The following PSMB10 variants were observed in gnomAD, a reference collection of about 807,000 sequenced individuals.
PSMB10 encodes proteasome 20S subunit beta 10, also known as proteasome subunit beta type-10.
PSMB10 carries 29 observed loss-of-function variants against 29.8 expected under a neutral mutation model. The ratio of observed to expected loss-of-function variants is 0.97; its 90% CI spans 0.73 to 1.33. The LOEUF is 1.33. Among genes scored for constraint, PSMB10 ranks in the 40% most tolerant of loss-of-function variants. PSMB10 has a pLI of 0.00. For missense variants in PSMB10, 327 were observed against 369.2 expected, an observed-to-expected ratio of 0.89 and a Z score of 0.94; for synonymous variants, 157 against 164.7, an observed-to-expected ratio of 0.95 and a Z score of 0.36.
Position 67,936,317 on chromosome 16 carries a change from G to A in PSMB10, c.145-5C>T, listed in dbSNP as rs372777032. ...GGCGCCCAGAATGACCCCGTCCTGA[G>A]GAGAGGGAGGGACCGCAGCTTCAGT... On this transcript the variant is annotated splice_region_variant and splice_polypyrimidine_tract_variant and intron_variant, in intron 2 of 7. Transcript: ENST00000358514. 6.2e-7 allele frequency: 1 copy of A among 1,612,686 alleles called. No individual in the cohort carries two copies. The highest frequency in any genetic ancestry group is 1.3e-5 in the African/African-American group (1 of 74,848).
At chr16:67,935,751 C>T in intron 4 of PSMB10, 54 bp from the exon 5 acceptor site, 1 of 1,574,262 alleles carries the variant, frequency 6.4e-7, no homozygotes. Context: ...CCCCACCTCT[C>T]TATGCCCAGC....
Position 67,935,623 on chromosome 16 carries a change from T to TG in PSMB10, c.457dup (p.His153ProfsTer53). The TG allele has an allele frequency of 6.2e-7, 1 of 1,614,218 alleles. No individual in the cohort carries two copies. Among genetic ancestry groups the TG allele is most frequent in the Non-Finnish European group, 8.5e-7 (1 of 1,180,036 alleles). ...CAGACGGCTGTAGGAGCCATGGGGA[T>TG]GCACACCGTAGAGCTGCGGTCCAGT... is the stretch of plus-strand genomic sequence containing the variant. On this transcript the variant is annotated frameshift_variant, in exon 5 of 8. Coordinates refer to ENST00000358514, the MANE Select transcript of PSMB10 (RefSeq NM_002801.4). LOFTEE classifies it high-confidence loss of function.
At chr16:67,936,573 T>G (rs1179221381) in intron 1 of PSMB10, 88 bp from the exon 2 acceptor site, 2 of 1,459,482 alleles carry the variant, frequency 1.4e-6, no homozygotes, top group African/African-American at 1.4e-5. Context: ...TCCCTCATCT[T>G]CCGGGGTAAG....
chr16:67,936,001 C>T lies in PSMB10; in HGVS notation c.345G>A (p.Val115=), dbSNP rs1347736095. 2.5e-6 allele frequency: 4 copies of T among 1,612,266 alleles called. No individual in the cohort carries two copies. The highest frequency in any genetic ancestry group is 2.2e-5 in the East Asian group (1 of 44,860). Residue 115 remains valine, a synonymous_variant, in exon 4 of 8, where the codon GTG becomes GTA. Coordinates refer to ENST00000358514, the MANE Select transcript of PSMB10 (RefSeq NM_002801.4). The part of the protein sequence containing the change: ...HALSTGREPR[V]ATVTRILRQT... ...GGCGCAGGATGCGAGTGACCGTGGC[C>T]ACGCGGGGCTCGCGGCCCGTAGATA...
At chr16:67,935,720 G>T in intron 4 of PSMB10, 23 bp from the exon 5 acceptor site, 3 of 1,610,306 alleles carry the variant, frequency 1.9e-6, no homozygotes, top group Non-Finnish European at 2.5e-6. Flanking sequence ...GGGCGGGGTC[G>T]GCCACAAGCT....
rs1248422606 is a variant in PSMB10, at chr16:67,936,411, C to T, written c.131G>A (p.Gly44Asp). 2 of 1,613,348 alleles carry T rather than the reference C, an allele frequency of 1.2e-6. No individual in the cohort carries two copies. The highest frequency in any genetic ancestry group is 2.2e-5 in the East Asian group (1 of 44,856). Residue 44 changes from glycine (G) to aspartate (D), a missense_variant, in exon 2 of 8, where the codon GGC becomes GAC. Coordinates refer to ENST00000358514, the MANE Select transcript of PSMB10 (RefSeq NM_002801.4). ...CCCGCTGCTCACTTGGAACACCAGG[C>T]CCGCGATGGTGGTCCCGGTCTTGCG... is the stretch of plus-strand genomic sequence containing the variant. ...HARKTGTTIA[G>D]LVFQDGVILG...
At chr16:67,935,779 G>A in intron 4 of PSMB10, 82 bp from the exon 5 acceptor site, 1 of 1,513,744 alleles carries the variant, frequency 6.6e-7, no homozygotes, top group Non-Finnish European at 9.0e-7. Flanking sequence ...TGCTATCCCC[G>A]CCCCTTCCTG....
At chr16:67,935,873 C>T (rs2058261162) in intron 4 of PSMB10, 90 bp downstream of exon 4, 1 of 1,536,494 alleles carries the variant, frequency 6.5e-7, no homozygotes, top group African/African-American at 1.4e-5. Flanking sequence ...CCTGGCCCGT[C>T]GCGGTCCCGC....
intron 6 of PSMB10, 133 bp from the exon 7 acceptor site, chr16:67,935,081 C>G: frequency 1.7e-6 from 2 of 1,207,078 alleles, no homozygotes; most frequent in South Asian, 1.5e-5. Flanking sequence ...TCCCTCTGAG[C>G]CTTAGCCACC....
chr16:67,935,318 A>C (rs1156462869), intron 6 of PSMB10, 102 bp downstream of exon 6: 11 of 1,466,136 alleles, frequency 7.5e-6, no homozygotes, highest in Non-Finnish European at 1.0e-5. Flanking sequence ...ACCTCCTCCG[A>C]CAAGCCTTAG....
In PSMB10 at chr16:67,936,028, C is replaced by T. The variant is rs763368478; in HGVS notation, c.318G>A (p.Ala106=). ...RMVASKMELH[A]LSTGREPRVA... is the part of the protein sequence containing the mutation. ...CGCGGGGCTCGCGGCCCGTAGATAACGCGTGTAGCTCCATCTTGGACGCCA... is the reference window on the plus strand; with the variant it reads ...CGCGGGGCTCGCGGCCCGTAGATAATGCGTGTAGCTCCATCTTGGACGCCA... The change falls in exon 4 of 8, where the codon GCG becomes GCA. Residue 106 remains alanine (A), a synonymous_variant. Transcript: ENST00000358514. 12 of 1,612,662 alleles carry T rather than the reference C, an allele frequency of 7.4e-6. No individual in the cohort carries two copies. Among genetic ancestry groups the T allele is most frequent in the Non-Finnish European group, 7.6e-6 (9 of 1,179,478 alleles).
chr16:67,935,707 G>A lies in PSMB10; in HGVS notation c.384-10C>T, dbSNP rs1191356819. 1 of 1,612,590 alleles carries A rather than the reference G, an allele frequency of 6.2e-7. No individual in the cohort carries two copies. ...CACGTGGCCCTGGTACCTGCTCGAG[G>A]ATGGGCGGGGTCGGCCACAAGCTGG... is the stretch of plus-strand genomic sequence containing the variant. On this transcript the variant is annotated splice_polypyrimidine_tract_variant and intron_variant, in intron 4 of 7. Coordinates refer to ENST00000358514, the MANE Select transcript of PSMB10 (RefSeq NM_002801.4).
At chr16:67,935,804 A>T in intron 4 of PSMB10, 107 bp from the exon 5 acceptor site, 1 of 1,481,724 alleles carries the variant, frequency 6.7e-7, no homozygotes, top group Non-Finnish European at 9.2e-7. Context: ...CTGGCGCCCG[A>T]TGACTGACAT....
Position 67,936,094 on chromosome 16 carries a change from C to T in PSMB10, c.252G>A (p.Gly84=). The change falls in exon 4 of 8, where the codon GGG becomes GGA. Residue 84 remains glycine (G), a synonymous_variant. Coordinates refer to ENST00000358514, the MANE Select transcript of PSMB10 (RefSeq NM_002801.4). ...TCTCGGCGTCCGCGGCTACTCCAGC[C>T]CCACAGCAGCTGAGGCAAAAGGGAG... ...HFIAPKIYCC[G]AGVAADAEMT... The T allele has an allele frequency of 6.2e-7, 1 of 1,609,510 alleles. No individual in the cohort carries two copies.
At chr16:67,935,934 C>A in intron 4 of PSMB10, 29 bp downstream of exon 4, 1 of 1,593,296 alleles carries the variant, frequency 6.3e-7, no homozygotes, top group Non-Finnish European at 8.6e-7. Context: ...ACTACCCCTG[C>A]CGGGGTCCTG....
Position 67,936,329 on chromosome 16 carries a change from A to ACC in PSMB10, c.145-19_145-18dup. 1 of 1,611,264 alleles carries ACC rather than the reference A, an allele frequency of 6.2e-7. No individual in the cohort carries two copies. The highest frequency in any genetic ancestry group is 2.2e-5 in the East Asian group (1 of 44,768). On this transcript the variant is annotated splice_polypyrimidine_tract_variant and intron_variant, in intron 2 of 7. Transcript: ENST00000358514. Reference sequence around the variant, plus strand: ...GACCCCGTCCTGAGGAGAGGGAGGGACCGCAGCTTCAGTGCCTGCTCGATA... The same window carrying ACC: ...GACCCCGTCCTGAGGAGAGGGAGGGACCCCGCAGCTTCAGTGCCTGCTCGATA...
At chr16:67,935,820 T>C (rs1349263992) in intron 4 of PSMB10, 123 bp from the exon 5 acceptor site, 2 of 1,478,996 alleles carry the variant, frequency 1.4e-6, no homozygotes, top group Non-Finnish European at 1.8e-6. Context: ...GACATCGCCT[T>C]TTCCTGTAGC....
In PSMB10 at chr16:67,934,770, C is replaced by T. The variant is rs2058256213; in HGVS notation, c.710+27G>A. 1.2e-6 allele frequency: 2 copies of T among 1,611,802 alleles called. No individual in the cohort carries two copies. The highest frequency in any genetic ancestry group is 1.7e-5 in the Admixed American group (1 of 59,950). ...TCCCCTGCTATAGCCCCACACATCC[C>T]TGTGGTCCCCGATCTCCAGCTCTCA... On this transcript the variant is annotated intron_variant, in intron 7 of 7. Coordinates refer to ENST00000358514, the MANE Select transcript of PSMB10 (RefSeq NM_002801.4). The surrounding 1 kb of genome is among the most constrained non-coding windows in gnomAD (Gnocchi z 4.3).
At position 67,935,484 on chromosome 16, in the gene PSMB10, G is replaced by C; in HGVS notation, c.500-6C>G. On this transcript the variant is annotated splice_polypyrimidine_tract_variant and splice_region_variant and intron_variant, in intron 5 of 7. Coordinates refer to ENST00000358514, the MANE Select transcript of PSMB10 (RefSeq NM_002801.4). ...GGCCGCGTCCTGACCAGAGCCTGAA[G>C]GCAGGAGAAGCATCTGAAGTCAACC... The C allele has an allele frequency of 6.2e-7, 1 of 1,614,082 alleles. No individual in the cohort carries two copies. The highest frequency in any genetic ancestry group is 8.5e-7 in the Non-Finnish European group (1 of 1,179,934).
Sources: allele counts gnomAD v4.1 joint callset, GRCh38; gene constraint gnomAD v4.1.1; non-coding constraint Gnocchi (gnomAD v3.1); transcripts MANE v1.5; gene names NCBI Gene and HGNC (gene_info 2026-07-23, HGNC 2026-07-21).